The following CERS3 variants were observed in gnomAD, a reference collection of about 807,000 sequenced individuals.
CERS3 encodes ceramide synthase 3.
CERS3 carries 33 observed loss-of-function variants against 50.3 expected under a neutral mutation model. That is an observed-to-expected ratio of 0.66 (90% CI 0.50 to 0.88). The LOEUF is 0.88. Among genes scored for constraint, CERS3 ranks in the 40% least tolerant of loss-of-function variants. The pLI is 0.00. For missense variants in CERS3, 470 were observed against 460.3 expected (o/e 1.02, Z -0.19); for synonymous variants, 176 against 155.2 (o/e 1.13, Z -0.99).
intron 1 of CERS3, among the ~76,000 whole-genome samples, chr15:100,538,918 C>T (rs1262387895): frequency 1.3e-5 from 2 of 152,182 alleles, no homozygotes; most frequent in African/African-American, 4.8e-5. Context: ...TCCAAACCAT[C>T]TCTTTGTGAA....
intron 11 of CERS3, among the ~76,000 whole-genome samples, chr15:100,411,313 C>T (rs192399107): frequency 3.3e-5 from 5 of 152,234 alleles, no homozygotes; most frequent in East Asian, 1.9e-4. Flanking sequence ...AGGTGCCCAC[C>T]ACCATGCCCG....
In CERS3 at chr15:100,406,526, G is replaced by A. The variant is rs116388518; in HGVS notation, c.1000-3661C>T. Among the ~76,000 whole-genome samples, 413 of 152,140 alleles carry A rather than the reference G, an allele frequency of 2.7e-3. 1 individual carries two copies. The highest frequency in any genetic ancestry group is 9.0e-3 in the African/African-American group (372 of 41,516). ...TCATGGGGCTCATCTCTGTATGTTC[G>A]GTGCTTTTCCACAACACCACAGAAA... On this transcript the variant is annotated intron_variant, in intron 11 of 11. Transcript: ENST00000679737.
At chr15:100,478,390 T>A (rs2035200148) in intron 7 of CERS3, among the ~76,000 whole-genome samples, 1 of 152,136 alleles carries the variant, frequency 6.6e-6, no homozygotes, top group African/African-American at 2.4e-5. Flanking sequence ...CCATGAATGC[T>A]GGTAGAAGAT....
chr15:100,411,166 GTTTTT>G (rs773603327), intron 11 of CERS3, among the ~76,000 whole-genome samples: 1 of 151,866 alleles, frequency 6.6e-6, no homozygotes, highest in African/African-American at 2.4e-5. Flanking sequence ...TTTGTTTTCT[GTTTTT>G]TTTCTTTTGA....
chr15:100,468,036 T>C (rs2034841934), intron 10 of CERS3, among the ~76,000 whole-genome samples: 1 of 151,802 alleles, frequency 6.6e-6, no homozygotes, highest in African/African-American at 2.4e-5. Context: ...ATTACTAAAA[T>C]TTCACAAACA....
At chr15:100,515,446 C>T (rs1310541734) in intron 2 of CERS3, among the ~76,000 whole-genome samples, 1 of 152,154 alleles carries the variant, frequency 6.6e-6, no homozygotes, top group Admixed American at 6.6e-5. Context: ...CTCCCAAGGC[C>T]CCTTCACCTT....
intron 11 of CERS3, among the ~76,000 whole-genome samples, chr15:100,427,333 G>C (rs957583369): frequency 4.6e-5 from 7 of 152,268 alleles, no homozygotes; most frequent in Non-Finnish European, 1.0e-4. Context: ...TGCTTCTCCA[G>C]GGATAAACAA....
intron 10 of CERS3, 103 bp from the exon 11 acceptor site, chr15:100,456,149 G>T: frequency 5.3e-6 from 4 of 748,224 alleles, no homozygotes; most frequent in South Asian, 4.1e-5. Flanking sequence ...CATGTATTTC[G>T]TTTCTAATAA....
In CERS3 at chr15:100,494,741, C is replaced by T. The variant is rs923673156; in HGVS notation, c.174-3810G>A. On this transcript the variant is annotated intron_variant, in intron 3 of 11. Transcript: ENST00000679737. ...ACATTTAGCTAGGCAGTAAGCAACT[C>T]TGCCTTAGCCTTCACTTAATGTTTG... 2.0e-5 allele frequency among the ~76,000 whole-genome samples: 3 copies of T among 152,322 alleles called. No individual in the cohort carries two copies. In the South Asian group the frequency reaches 6.2e-4, roughly 32 times the overall value.
intron 2 of CERS3, among the ~76,000 whole-genome samples, chr15:100,502,267 A>AAAGAAAAAAAAAAAAAAAAAAAG (rs369193664): frequency 9.2e-6 from 1 of 109,286 alleles, no homozygotes; most frequent in Non-Finnish European, 1.8e-5. Flanking sequence ...AAAAAAAAAA[A>AAAGAAAAAAAAAAAAAAAAAAAG]AAAGAAAGAA....
At chr15:100,478,987 A>G (rs915280504) in intron 7 of CERS3, among the ~76,000 whole-genome samples, 6 of 152,194 alleles carry the variant, frequency 3.9e-5, no homozygotes, top group Non-Finnish European at 7.4e-5. Flanking sequence ...GGAAAGAGGT[A>G]AGAACACCGA....
chr15:100,492,845 G>GT (rs2035693648), intron 3 of CERS3, among the ~76,000 whole-genome samples: 1 of 151,576 alleles, frequency 6.6e-6, no homozygotes, highest in South Asian at 2.1e-4. Context: ...TGTCTTTTTG[G>GT]TTTTTTACTA....
intron 1 of CERS3, among the ~76,000 whole-genome samples, chr15:100,527,597 G>A (rs1348163003): frequency 1.3e-5 from 2 of 152,234 alleles, no homozygotes; most frequent in Non-Finnish European, 1.5e-5. Context: ...ATCTTAGTGT[G>A]CAGAAATGCA....
chr15:100,498,594 A>G (rs181271765), intron 3 of CERS3, among the ~76,000 whole-genome samples: 1 of 152,174 alleles, frequency 6.6e-6, no homozygotes, highest in Admixed American at 6.5e-5. Flanking sequence ...TAGGTTTGCT[A>G]CTATTGCAGA....
rs2030645062 is a variant in CERS3 at position 100,402,742 on chromosome 15, G to A, written c.1123C>T (p.Leu375Phe). The change falls in exon 12 of 12, where the codon CTC becomes TTC. Residue 375 changes from leucine to phenylalanine, a missense_variant. Physicochemically the swap from Leu to Phe is conservative, Grantham distance 22. Coordinates refer to ENST00000679737, the MANE Select transcript of CERS3 (RefSeq NM_001378789.1). The stretch of plus-strand genomic sequence containing the variant: ...TGGCCATGCTGGCCATTGGGAATGA[G>A]GTGCCTCTCAGCCCTGAGGCCGTTC... ...LKNGLRAERHLIPNGQHGH is the reference protein window; with the variant it reads ...LKNGLRAERHFIPNGQHGH 1 of 1,614,144 alleles carries A rather than the reference G, an allele frequency of 6.2e-7. No homozygotes were observed. Among genetic ancestry groups the A allele is most frequent in the Non-Finnish European group, 8.5e-7 (1 of 1,180,026 alleles).
intron 4 of CERS3, among the ~76,000 whole-genome samples, chr15:100,485,958 G>T (rs1434104577): frequency 6.6e-6 from 1 of 152,166 alleles, no homozygotes; most frequent in Non-Finnish European, 1.5e-5. Flanking sequence ...CTGACCTTCA[G>T]CTTCAGTGCT....
At chr15:100,536,388 G>T (rs1567691416) in intron 1 of CERS3, among the ~76,000 whole-genome samples, 1 of 152,134 alleles carries the variant, frequency 6.6e-6, no homozygotes, top group Non-Finnish European at 1.5e-5. Context: ...GGGCTCAAGG[G>T]ATCCTCCTAC....
chr15:100,469,253 C>A, intron 10 of CERS3, 125 bp downstream of exon 10: 1 of 662,520 alleles, frequency 1.5e-6, no homozygotes, highest in Admixed American at 2.4e-5. Context: ...TTCTTTTCTC[C>A]AACTGCACTT....
chr15:100,491,154 C>T (rs1221883321), intron 3 of CERS3, among the ~76,000 whole-genome samples: 1 of 151,472 alleles, frequency 6.6e-6, no homozygotes, highest in Non-Finnish European at 1.5e-5. Context: ...TTCTAAAATG[C>T]ATTTTATGTT....
Sources: allele counts gnomAD v4.1 joint callset (sites outside exome capture counted in the v4.1 genomes callset), GRCh38; gene constraint gnomAD v4.1.1; transcripts MANE v1.5; gene names NCBI Gene and HGNC (gene_info 2026-07-23, HGNC 2026-07-21).